GABRA3: variants seen among roughly 807,000 people sequenced by gnomAD.
The protein encoded by GABRA3 is gamma-aminobutyric acid receptor subunit alpha-3.
Under a neutral mutation model 30.1 loss-of-function variants are expected in GABRA3, and 10 were observed. The ratio of observed to expected loss-of-function variants is 0.33; its 90% confidence interval spans 0.20 to 0.56. The LOEUF is 0.56. GABRA3 is among the 20% of genes least tolerant of loss of function. GABRA3 has a pLI of 0.89. For synonymous variants in GABRA3, 151 were observed against 146.8 expected, an observed-to-expected ratio of 1.03 and a Z score of -0.21; for missense variants, 233 against 392.0, an observed-to-expected ratio of 0.59 and a Z score of 3.42.
intron 6 of GABRA3, among the ~76,000 whole-genome samples, chrX:152,224,507 AT>A (rs912991553): frequency 2.7e-5 from 3 of 111,833 alleles, no homozygotes; most frequent in Non-Finnish European, 3.8e-5. Context: ...TAATGTTTCA[AT>A]CTAATGACAG....
intron 2 of GABRA3, among the ~76,000 whole-genome samples, chrX:152,350,692 A>G (rs1250518130): frequency 1.8e-5 from 2 of 111,848 alleles, no homozygotes; most frequent in Non-Finnish European, 3.8e-5. Context: ...CCTCTGAATC[A>G]TGAATGCTCT....
intron 3 of GABRA3, among the ~76,000 whole-genome samples, chrX:152,288,215 G>A (rs1382381614): frequency 6.3e-5 from 7 of 111,795 alleles, no homozygotes; most frequent in Non-Finnish European, 1.3e-4. Context: ...TCTACACGGG[G>A]ACCACTATGC....
At chrX:152,182,462 A>T (rs1170477867) in intron 9 of GABRA3, among the ~76,000 whole-genome samples, 2 of 89,779 alleles carry the variant, frequency 2.2e-5, no homozygotes, top group South Asian at 5.2e-4. Flanking sequence ...TATAGTGTAT[A>T]TATGTACACT....
chrX:152,199,246 G>C (rs1296532406), intron 7 of GABRA3, among the ~76,000 whole-genome samples: 2 of 105,379 alleles, frequency 1.9e-5, no homozygotes, highest in Non-Finnish European at 4.0e-5. Context: ...GGCACCTGTA[G>C]TCCCAGATAC....
chrX:152,345,829 C>A, intron 2 of GABRA3, 127 bp from the exon 3 acceptor site: 1 of 548,053 alleles, frequency 1.8e-6, no homozygotes, highest in Non-Finnish European at 2.7e-6. Flanking sequence ...ATATCTTATC[C>A]AAAATAGCAA....
intron 3 of GABRA3, among the ~76,000 whole-genome samples, chrX:152,315,744 C>A (rs1939863670): frequency 9.1e-6 from 1 of 110,461 alleles, no homozygotes; most frequent in African/African-American, 3.3e-5. Context: ...ACTTCCCTGA[C>A]AACCTGCATG....
At chrX:152,326,468 C>T (rs1447278368) in intron 3 of GABRA3, among the ~76,000 whole-genome samples, 1 of 111,587 alleles carries the variant, frequency 9.0e-6, no homozygotes. Context: ...GGTCGGGTTA[C>T]CCACAAAGGG....
At chrX:152,253,853 T>C (rs1251682587) in intron 5 of GABRA3, among the ~76,000 whole-genome samples, 1 of 111,486 alleles carries the variant, frequency 9.0e-6, no homozygotes, top group East Asian at 2.8e-4. Flanking sequence ...GTTTCTTGAC[T>C]GCATTCTACT....
chrX:152,238,387 C>T (rs1938276188), intron 5 of GABRA3, among the ~76,000 whole-genome samples: 1 of 103,525 alleles, frequency 9.7e-6, no homozygotes, highest in Non-Finnish European at 1.9e-5. Context: ...CTGCTGGATT[C>T]GTTTTGCCAG....
intron 6 of GABRA3, among the ~76,000 whole-genome samples, chrX:152,216,583 T>A (rs1464069276): frequency 9.1e-6 from 1 of 109,414 alleles, no homozygotes; most frequent in Non-Finnish European, 1.9e-5. Context: ...ATATACATAA[T>A]CTAAAATAGA....
intron 1 of GABRA3, among the ~76,000 whole-genome samples, chrX:152,388,184 C>T (rs1049917940): frequency 1.8e-5 from 2 of 111,117 alleles, no homozygotes; most frequent in African/African-American, 6.5e-5. Context: ...GGATATATAA[C>T]CCAGAAATAT....
intron 4 of GABRA3, among the ~76,000 whole-genome samples, chrX:152,279,010 G>A (rs1171809463): frequency 9.0e-6 from 1 of 111,259 alleles, no homozygotes; most frequent in African/African-American, 3.3e-5. Flanking sequence ...CTGGATATTA[G>A]CCCTTTGTCA....
chrX:152,341,875 T>C (rs1255908144), intron 3 of GABRA3, among the ~76,000 whole-genome samples: 1 of 109,144 alleles, frequency 9.2e-6, no homozygotes, highest in African/African-American at 3.4e-5. Context: ...TTATTTTATT[T>C]TATTCTATTT....
intron 7 of GABRA3, among the ~76,000 whole-genome samples, chrX:152,201,984 T>C (rs143355228): frequency 2.8e-3 from 317 of 112,465 alleles, no homozygotes; most frequent in African/African-American, 9.6e-3. Context: ...TATATAAGGA[T>C]CATACATCCA....
At chrX:152,444,744 TTTTGTTTTTTTTTG>T (rs1312245649) in intron 1 of GABRA3, among the ~76,000 whole-genome samples, 1 of 75,608 alleles carries the variant, frequency 1.3e-5, no homozygotes, top group Non-Finnish European at 2.5e-5. Context: ...GTTTTTTTTT[TTTTGTTTTTTTTTG>T]TTTGTTTGTT....
chrX:152,308,974 G>A (rs1939760411), intron 3 of GABRA3, among the ~76,000 whole-genome samples: 1 of 112,379 alleles, frequency 8.9e-6, no homozygotes, highest in Admixed American at 9.4e-5. Flanking sequence ...AAAACTCACT[G>A]TAAGAATTTT....
chrX:152,235,186 C>T (rs1471496522), intron 5 of GABRA3, among the ~76,000 whole-genome samples: 1 of 111,576 alleles, frequency 9.0e-6, no homozygotes, highest in African/African-American at 3.3e-5. Flanking sequence ...CTTTCACCTC[C>T]TTGGTTAAAC....
At chrX:152,298,026 G>A in intron 3 of GABRA3, among the ~76,000 whole-genome samples, 1 of 112,324 alleles carries the variant, frequency 8.9e-6, no homozygotes, top group South Asian at 3.7e-4. Flanking sequence ...GGAACAAGCT[G>A]AGAGCCAGAG....
At chrX:152,407,316 T>C (rs1478340919) in intron 1 of GABRA3, among the ~76,000 whole-genome samples, 1 of 110,289 alleles carries the variant, frequency 9.1e-6, no homozygotes, top group African/African-American at 3.3e-5. Flanking sequence ...ATAAACAAAA[T>C]CAACAAATAT....
Sources: allele counts gnomAD v4.1 joint callset (sites outside exome capture counted in the v4.1 genomes callset), GRCh38; gene constraint gnomAD v4.1.1; transcripts MANE v1.5; gene names NCBI Gene and HGNC (gene_info 2026-07-23, HGNC 2026-07-21).